MAP3K4: variants seen among roughly 807,000 people sequenced by gnomAD.
The protein encoded by MAP3K4 is MAP three kinase 1.
In MAP3K4, 67 loss-of-function variants were observed where a neutral mutation model predicts 185.6. The observed-to-expected ratio is 0.36, with a 90% CI of 0.30 to 0.44. MAP3K4 has a LOEUF of 0.44. Among genes scored for constraint, MAP3K4 ranks in the 20% least tolerant of loss-of-function variants. MAP3K4 has a pLI of 1.00. For synonymous variants in MAP3K4, 702 were observed against 710.4 expected (o/e 0.99, Z 0.19); for missense variants, 1,551 against 1,995.1 (o/e 0.78, Z 4.24).
chr6:161,019,659 T>C (rs1245029989), intron 1 of MAP3K4, among the ~76,000 whole-genome samples: 3 of 152,238 alleles, frequency 2.0e-5, no homozygotes, highest in Non-Finnish European at 4.4e-5. Context: ...TCCACCCGCA[T>C]TGGCCTTCCT....
chr6:161,022,903 T>TA lies in MAP3K4; in HGVS notation c.153-11354dup, dbSNP rs1248612166. Among the ~76,000 whole-genome samples, 1 of 152,206 alleles carries TA rather than the reference T, an allele frequency of 6.6e-6. No individual in the cohort carries two copies. Among genetic ancestry groups the TA allele is most frequent in the African/African-American group, 2.4e-5 (1 of 41,444 alleles). ...CCAAGCATGGTAAGTACTCCGTGCC[T>TA]AACGGTAGCAATTATACTGTTACAG... On this transcript the variant is annotated intron_variant, in intron 1 of 26. Transcript: ENST00000392142. The surrounding 1 kb of genome is among the most constrained non-coding windows in gnomAD (Gnocchi z 4.2).
chr6:161,014,191 A>G (rs534810868), intron 1 of MAP3K4, among the ~76,000 whole-genome samples: 1 of 152,224 alleles, frequency 6.6e-6, no homozygotes, highest in African/African-American at 2.4e-5. Context: ...TTGAGAATTA[A>G]TGAACTAATA....
chr6:161,019,747 G>T (rs1051047869), intron 1 of MAP3K4, among the ~76,000 whole-genome samples: 9 of 152,058 alleles, frequency 5.9e-5, no homozygotes, highest in African/African-American at 2.2e-4. Flanking sequence ...GTGTTTAGTC[G>T]TAACCTTGAT....
At chr6:161,006,189 T>C (rs1781575517) in intron 1 of MAP3K4, among the ~76,000 whole-genome samples, 1 of 152,220 alleles carries the variant, frequency 6.6e-6, no homozygotes, top group Non-Finnish European at 1.5e-5. Flanking sequence ...TGAGTTAGTT[T>C]CCATGATCCA....
intron 1 of MAP3K4, among the ~76,000 whole-genome samples, chr6:161,001,593 T>TC (rs1282301039): frequency 6.6e-6 from 1 of 152,218 alleles, no homozygotes; most frequent in Non-Finnish European, 1.5e-5. Flanking sequence ...CATCGTCTGT[T>TC]GTTTTGCTTA....
rs569609736 is a variant in MAP3K4, at chr6:160,992,012, A to ACCGCCGCCGCCGCCGCCGCCACCG, written c.95_96insGCCGCCACCGCCGCCGCCGCCGCC (p.Pro29_Pro36dup). On this transcript the variant is annotated inframe_insertion, in exon 1 of 27. Coordinates refer to ENST00000392142, the MANE Select transcript of MAP3K4 (RefSeq NM_005922.4). ...CCGCCGCCATGGAGGAGCCGCCGCC[A>ACCGCCGCCGCCGCCGCCGCCACCG]CCGCCGCCGCCGCCACCACCGCCAC... 6.5e-7 allele frequency: 1 copy of ACCGCCGCCGCCGCCGCCGCCACCG among 1,538,264 alleles called. No individual in the cohort carries two copies. Among genetic ancestry groups the ACCGCCGCCGCCGCCGCCGCCACCG allele is most frequent in the East Asian group, 2.5e-5 (1 of 39,832 alleles).
Position 161,034,908 on chromosome 6 carries a change from T to G in MAP3K4, c.343+459T>G, listed in dbSNP as rs1012858973. Among the ~76,000 whole-genome samples the G allele has an allele frequency of 4.6e-5, 7 of 152,154 alleles. No individual in the cohort carries two copies. The highest frequency in any genetic ancestry group is 8.8e-5 in the Non-Finnish European group (6 of 68,018). ...GCCCCGGGGTGCTATCTTTAGTGTG[T>G]AGGGCTCTCTTTTTCATACTAAGCA... On this transcript the variant is annotated intron_variant, in intron 2 of 26. Coordinates refer to ENST00000392142, the MANE Select transcript of MAP3K4 (RefSeq NM_005922.4). This position sits in a 1 kb window ranked among gnomAD's most constrained non-coding sequence, Gnocchi z 4.4.
In MAP3K4 at chr6:161,100,146, C is replaced by T. The variant is rs374880390; in HGVS notation, c.3674+1719C>T. 1.3e-5 allele frequency among the ~76,000 whole-genome samples: 2 copies of T among 152,326 alleles called. No individual in the cohort carries two copies. Among genetic ancestry groups the T allele is most frequent in the African/African-American group, 2.4e-5 (1 of 41,590 alleles). ...GACTCCCTCCTGCATTCAAGCCCTG[C>T]GTAAGCCTCAGTGCCTTCACAGTGA... On this transcript the variant is annotated intron_variant, in intron 17 of 26. Transcript: ENST00000392142. The surrounding 1 kb of genome is among the most constrained non-coding windows in gnomAD (Gnocchi z 5.8).
chr6:161,066,835 G>C (rs1162482688), intron 3 of MAP3K4, among the ~76,000 whole-genome samples: 1 of 152,188 alleles, frequency 6.6e-6, no homozygotes, highest in Non-Finnish European at 1.5e-5. Context: ...TTGAGAACTA[G>C]GGATTGTGCC....
intron 1 of MAP3K4, among the ~76,000 whole-genome samples, chr6:161,015,963 T>C (rs1283077442): frequency 2.0e-5 from 3 of 152,218 alleles, no homozygotes; most frequent in Non-Finnish European, 4.4e-5. Context: ...TGATGGACAC[T>C]GGATTGTTTT....
chr6:161,065,937 CAAAAA>C (rs34648628), intron 3 of MAP3K4, among the ~76,000 whole-genome samples: 1 of 78,846 alleles, frequency 1.3e-5, no homozygotes, highest in Non-Finnish European at 2.4e-5. Context: ...GACTCCGTCT[CAAAAA>C]AAAAAAAAAA....
Position 161,073,529 on chromosome 6 carries a change from A to T in MAP3K4, c.2014A>T (p.Met672Leu), listed in dbSNP as rs752026025. 1.2e-6 allele frequency: 2 copies of T among 1,614,012 alleles called. No homozygotes were observed. ...GLLMKQYYQF[M>L]LQEVLEDLEK... is the part of the protein sequence containing the mutation. The stretch of plus-strand genomic sequence containing the variant: ...GCTGATGAAGCAGTACTACCAGTTC[A>T]TGCTGCAGGAGGTTCTGGAGGACTT... Residue 672 changes from methionine to leucine, a missense_variant, in exon 5 of 27, where the codon ATG (methionine) becomes TTG (leucine). Physicochemically the swap from Met to Leu is conservative, Grantham distance 15. Transcript: ENST00000392142. This position sits in a 1 kb window ranked among gnomAD's most constrained non-coding sequence, Gnocchi z 4.2.
intron 6 of MAP3K4, among the ~76,000 whole-genome samples, chr6:161,081,571 T>A (rs1018565853): frequency 2.6e-5 from 4 of 152,116 alleles, no homozygotes; most frequent in Admixed American, 2.6e-4. Context: ...TCTTTATGAA[T>A]TGGGTGTATA....
chr6:161,057,332 A>G (rs1004982800), intron 3 of MAP3K4, among the ~76,000 whole-genome samples: 4 of 152,166 alleles, frequency 2.6e-5, no homozygotes, highest in Admixed American at 1.3e-4. Flanking sequence ...TCCAGACTCA[A>G]CAACCCTGTG....
intron 1 of MAP3K4, among the ~76,000 whole-genome samples, chr6:161,028,728 TCTTGAA>T (rs1209364591): frequency 2.0e-5 from 3 of 152,144 alleles, no homozygotes; most frequent in Non-Finnish European, 4.4e-5. Context: ...TAAATGTCTA[TCTTGAA>T]AAATAAGCAA....
rs1196242465 is a variant in MAP3K4 at position 161,048,733 on chromosome 6, A to C, written c.461A>C (p.Glu154Ala). ...KKIRAALRTT[E>A]RDRKKNVQCS... ...ATCCGAGCAGCTCTTAGAACAACAG[A>C]GCGTGATCGTAAAAAAAATGTACAG... The change falls in exon 3 of 27, where the codon GAG becomes GCG. Residue 154 changes from glutamate (E) to alanine (A), a missense_variant. By Grantham distance (107) the Glu-to-Ala change is moderately radical. Coordinates refer to ENST00000392142, the MANE Select transcript of MAP3K4 (RefSeq NM_005922.4). This position sits in a 1 kb window ranked among gnomAD's most constrained non-coding sequence, Gnocchi z 4.7. 1 of 1,614,116 alleles carries C rather than the reference A, an allele frequency of 6.2e-7. No homozygotes were observed. The highest frequency in any genetic ancestry group is 8.5e-7 in the Non-Finnish European group (1 of 1,180,020).
chr6:161,031,606 C>A (rs1192541838), intron 1 of MAP3K4, among the ~76,000 whole-genome samples: 2 of 152,190 alleles, frequency 1.3e-5, no homozygotes, highest in Non-Finnish European at 2.9e-5. Context: ...TCCCTCCTCA[C>A]AACAATTCTC....
intron 17 of MAP3K4, among the ~76,000 whole-genome samples, chr6:161,099,153 G>A (rs1339875357): frequency 6.6e-6 from 1 of 152,336 alleles, no homozygotes; most frequent in South Asian, 2.1e-4. Flanking sequence ...AACGCTGTCA[G>A]TATTCCCATC....
In MAP3K4 at chr6:161,102,608, T is replaced by C. The variant is rs1280227492; in HGVS notation, c.3776-91T>C. The C allele has an allele frequency of 5.7e-5, 42 of 734,260 alleles. No individual in the cohort carries two copies. In the South Asian group the frequency reaches 9.2e-4, roughly 16 times the overall value. 45.5% of individuals were successfully genotyped at this position (734,260 alleles called of 1,614,324 possible). A position where few individuals can be genotyped will look rare whatever the true frequency, so the allele number is the denominator to read the frequency against. ...TTAATAACCAGAAAGGCAAACAGGT[T>C]GCTTTTAACCATTACCTTTCCTTTC... On this transcript the variant is annotated intron_variant, in intron 18 of 26. Transcript: ENST00000392142.
Sources: allele counts gnomAD v4.1 joint callset (sites outside exome capture counted in the v4.1 genomes callset), GRCh38; gene constraint gnomAD v4.1.1; non-coding constraint Gnocchi (gnomAD v3.1); transcripts MANE v1.5; gene names NCBI Gene and HGNC (gene_info 2026-07-23, HGNC 2026-07-21).